STK38: variants seen among roughly 807,000 people sequenced by gnomAD.
STK38 encodes the protein serine/threonine kinase 38, also known as serine/threonine-protein kinase 38.
STK38 carries 26 observed loss-of-function variants against 59.0 expected under a neutral mutation model. The ratio of observed to expected loss-of-function variants is 0.44; its 90% CI spans 0.32 to 0.61. The LOEUF (loss-of-function observed/expected upper bound fraction) is 0.61, where lower values mean the gene tolerates loss of function less well. STK38 is among the 20% of genes least tolerant of loss of function. The pLI, the probability that STK38 is intolerant of heterozygous loss-of-function variation, is 0.04. For synonymous variants in STK38, 175 were observed against 176.6 expected, an observed-to-expected ratio of 0.99 and a Z score of 0.07; for missense variants, 433 against 566.0, an observed-to-expected ratio of 0.76 and a Z score of 2.38.
intron 2 of STK38, among the ~76,000 whole-genome samples, chr6:36,526,340 T>G (rs1777513756): frequency 2.6e-5 from 4 of 152,168 alleles, no homozygotes; most frequent in Admixed American, 2.6e-4. Flanking sequence ...TCTACTTCCT[T>G]TATTTCTGCA....
chr6:36,511,169 C>T (rs1483830786), intron 7 of STK38, among the ~76,000 whole-genome samples: 1 of 152,072 alleles, frequency 6.6e-6, no homozygotes, highest in Non-Finnish European at 1.5e-5. Context: ...CATCATCAGG[C>T]TTAAACATAC....
chr6:36,495,754 T>C lies in STK38; in HGVS notation c.*30A>G, dbSNP rs1431227643. On this transcript the variant is annotated 3_prime_UTR_variant, in exon 14 of 14. Transcript: ENST00000229812. ...AAGCATGATGTTATACAAAGAACTC[T>C]GCTCCACATAGGATTCCGTGGCAAG... The C allele has an allele frequency of 1.2e-6, 2 of 1,612,864 alleles. No individual in the cohort carries two copies. The highest frequency in any genetic ancestry group is 4.5e-5 in the East Asian group (2 of 44,844).
In STK38 at chr6:36,515,327, C is replaced by T. The variant is rs201200962; in HGVS notation, c.669+11G>A. The T allele has an allele frequency of 3.3e-5, 54 of 1,612,942 alleles. No individual in the cohort carries two copies. The highest frequency in any genetic ancestry group is 3.6e-5 in the Non-Finnish European group (42 of 1,179,572). ...AAACGTGCATAGTTCATGCCAATGCCCCCCCAATACCTTGCTGTCCAAAAG... is the reference window on the plus strand; with the variant it reads ...AAACGTGCATAGTTCATGCCAATGCTCCCCCAATACCTTGCTGTCCAAAAG... On this transcript the variant is annotated intron_variant, in intron 7 of 13. Coordinates refer to ENST00000229812, the MANE Select transcript of STK38 (RefSeq NM_007271.4).
At chr6:36,532,309 T>TAAAA (rs1359068323) in intron 2 of STK38, among the ~76,000 whole-genome samples, 1 of 67,516 alleles carries the variant, frequency 1.5e-5, no homozygotes. Context: ...CTTGTCTGCA[T>TAAAA]AAAAAAAAAA....
intron 9 of STK38, 115 bp downstream of exon 9, chr6:36,506,468 T>C: frequency 2.8e-6 from 3 of 1,061,166 alleles, no homozygotes; most frequent in Non-Finnish European, 4.2e-6. Flanking sequence ...CTTTAGGTAA[T>C]CTTAAAAGCA....
chr6:36,521,425 G>A (rs994848656), intron 5 of STK38, among the ~76,000 whole-genome samples: 2 of 151,564 alleles, frequency 1.3e-5, no homozygotes, highest in Middle Eastern at 3.4e-3. Flanking sequence ...ACCACACCAC[G>A]TACGACCTCA....
At chr6:36,503,449 T>TG (rs58461540) in intron 9 of STK38, among the ~76,000 whole-genome samples, 5,029 of 142,368 alleles carry the variant, frequency 0.035, 289 homozygotes, top group African/African-American at 0.12. Flanking sequence ...TGTGTGTGTG[T>TG]TTGTGTGTGT....
chr6:36,541,995 A>T (rs575460349), intron 1 of STK38, among the ~76,000 whole-genome samples: 6 of 147,434 alleles, frequency 4.1e-5, no homozygotes, highest in Non-Finnish European at 9.0e-5. Flanking sequence ...TGCCCAGCTA[A>T]TTTTTTTTTT....
Position 36,535,194 on chromosome 6 carries a change from G to A in STK38, c.131+4878C>T, listed in dbSNP as rs141808867. ...GGGCCAGGTGCAGTAGCTCATGCCTGTAATCCCAGCACTTTGGGAGGAGGC... is the reference window on the plus strand; with the variant it reads ...GGGCCAGGTGCAGTAGCTCATGCCTATAATCCCAGCACTTTGGGAGGAGGC... On this transcript the variant is annotated intron_variant, in intron 2 of 13. Coordinates refer to ENST00000229812, the MANE Select transcript of STK38 (RefSeq NM_007271.4). Among the ~76,000 whole-genome samples the A allele has an allele frequency of 4.1e-3, 630 of 152,296 alleles. 3 individuals carry two copies. The highest frequency in any genetic ancestry group is 0.031 in the Middle Eastern group (9 of 294).
chr6:36,502,742 TTC>T (rs1368651405), intron 9 of STK38, among the ~76,000 whole-genome samples: 1 of 152,240 alleles, frequency 6.6e-6, no homozygotes, highest in Non-Finnish European at 1.5e-5. Context: ...TCTCTCCTGC[TTC>T]TCTTAACCAC....
At chr6:36,532,753 G>A (rs770814064) in intron 2 of STK38, among the ~76,000 whole-genome samples, 3 of 151,986 alleles carry the variant, frequency 2.0e-5, no homozygotes, top group Non-Finnish European at 4.4e-5. Context: ...ACAAAAATTA[G>A]CCAGGCATGG....
At chr6:36,518,612 C>T (rs1315506099) in intron 5 of STK38, among the ~76,000 whole-genome samples, 1 of 152,128 alleles carries the variant, frequency 6.6e-6, no homozygotes, top group Non-Finnish European at 1.5e-5. Flanking sequence ...GGCTAGAGTG[C>T]AGTGGCGTGA....
rs147462456 is a variant in STK38 at position 36,538,761 on chromosome 6, G to A, written c.131+1311C>T. Among the ~76,000 whole-genome samples the A allele has an allele frequency of 6.8e-3, 1,029 of 151,060 alleles. 8 individuals are homozygous for A. Among genetic ancestry groups the A allele is most frequent in the African/African-American group, 0.022 (905 of 41,180 alleles). On this transcript the variant is annotated intron_variant, in intron 2 of 13. Coordinates refer to ENST00000229812, the MANE Select transcript of STK38 (RefSeq NM_007271.4). ...ACAAAAATTAGCTGGGCGTGGTGGC[G>A]CATGCCTGTAATCCCAGCTACTCGG...
At chr6:36,542,719 C>T (rs370432738) in intron 1 of STK38, among the ~76,000 whole-genome samples, 235 of 152,026 alleles carry the variant, frequency 1.5e-3, no homozygotes, top group Non-Finnish European at 2.2e-3. Flanking sequence ...CCAAGGCAGG[C>T]GAATCATCTG....
chr6:36,534,278 T>C (rs944361899), intron 2 of STK38, among the ~76,000 whole-genome samples: 2 of 150,782 alleles, frequency 1.3e-5, no homozygotes, highest in Non-Finnish European at 3.0e-5. Context: ...TCAAAACAAA[T>C]GACAAAAATA....
At chr6:36,544,705 A>C (rs1331544145) in intron 1 of STK38, among the ~76,000 whole-genome samples, 1 of 152,112 alleles carries the variant, frequency 6.6e-6, no homozygotes, top group East Asian at 1.9e-4. Flanking sequence ...CCCCGTTGCT[A>C]CAAAAAAATA....
chr6:36,539,727 C>T (rs1010384502), intron 2 of STK38, among the ~76,000 whole-genome samples: 3 of 150,184 alleles, frequency 2.0e-5, no homozygotes, highest in Non-Finnish European at 2.9e-5. Flanking sequence ...TAACAATCAA[C>T]TCCTTGGATT....
At position 36,495,832 on chromosome 6, in the gene STK38, G is replaced by A; in HGVS notation, c.1350C>T (p.Gly450=). ...AAGGTATTGCCCCCCTTGCAGTCAG[G>A]CCCTCAAAGCGCTTGTACGTGTAAT... ...FINYTYKRFE[G]LTARGAIPSY... The change falls in exon 14 of 14, where the codon GGC becomes GGT. Residue 450 remains glycine, a synonymous_variant. Coordinates refer to ENST00000229812, the MANE Select transcript of STK38 (RefSeq NM_007271.4). 1 of 1,614,026 alleles carries A rather than the reference G, an allele frequency of 6.2e-7. No individual in the cohort carries two copies. Among genetic ancestry groups the A allele is most frequent in the Non-Finnish European group, 8.5e-7 (1 of 1,179,982 alleles).
chr6:36,496,568 T>C (rs1449979251), intron 13 of STK38, 143 bp downstream of exon 13: 1 of 689,552 alleles, frequency 1.5e-6, no homozygotes, highest in Non-Finnish European at 2.5e-6. Flanking sequence ...TACCCAGCAT[T>C]AGAATTAGAA....
Sources: gnomAD v4.1 joint callset for allele counts (sites outside exome capture counted in the v4.1 genomes callset) on GRCh38, gnomAD v4.1.1 for gene constraint, MANE v1.5 for transcripts, NCBI Gene and HGNC (gene_info 2026-07-23, HGNC 2026-07-21) for gene names.